Variants in FAT3 observed in about 807,000 individuals in gnomAD.
FAT3 encodes FAT atypical cadherin 3, also known as protocadherin Fat 3.
In FAT3, 95 loss-of-function variants were observed where a neutral mutation model predicts 310.2. That is an observed-to-expected ratio of 0.31 (90% CI 0.26 to 0.36). The LOEUF (loss-of-function observed/expected upper bound fraction) is 0.36, where lower values mean the gene tolerates loss of function less well. Among genes scored for constraint, FAT3 ranks in the 10% least tolerant of loss-of-function variants. The pLI is 1.00. For synonymous variants in FAT3, 2,314 were observed against 2,192.9 expected (o/e 1.06, Z -1.54); for missense variants, 5,408 against 5,715.6 (o/e 0.95, Z 1.74).
chr11:92,527,039 T>C (rs897769273), intron 3 of FAT3, among the ~76,000 whole-genome samples: 1 of 152,190 alleles, frequency 6.6e-6, no homozygotes, highest in Non-Finnish European at 1.5e-5. Context: ...CAAATACTTA[T>C]GATATAGCTA....
chr11:92,606,324 T>C lies in FAT3; in HGVS notation c.3607+81376T>C, dbSNP rs552979067. On this transcript the variant is annotated intron_variant, in intron 3 of 27. Coordinates refer to ENST00000525166, the MANE Select transcript of FAT3 (RefSeq NM_001367949.2). ...ATGAAGCCACACCATCCCTTCCAGG[T>C]TGTTGGTTTGCAAGCATCCCTCCTT... 3.9e-5 allele frequency among the ~76,000 whole-genome samples: 6 copies of C among 152,150 alleles called. No homozygotes were observed. In the East Asian group the frequency reaches 1.2e-3, roughly 30 times the overall value.
intron 2 of FAT3, among the ~76,000 whole-genome samples, chr11:92,492,291 T>TTCATCCATC (rs1417639485): frequency 1.5e-5 from 2 of 135,156 alleles, no homozygotes; most frequent in African/African-American, 5.9e-5. Context: ...ATCCATCCAT[T>TTCATCCATC]CATCCATCCA....
intron 1 of FAT3, among the ~76,000 whole-genome samples, chr11:92,238,107 T>C (rs1391844754): frequency 6.6e-6 from 1 of 152,068 alleles, no homozygotes; most frequent in Admixed American, 6.6e-5. Context: ...CTCTTGTTGA[T>C]AATAACATCA....
chr11:92,587,194 A>T (rs1348848913), intron 3 of FAT3, among the ~76,000 whole-genome samples: 5 of 151,956 alleles, frequency 3.3e-5, no homozygotes, highest in Non-Finnish European at 7.4e-5. Context: ...AATTCAGTAA[A>T]TTCTATTTAA....
chr11:92,240,730 A>G (rs1864641215), intron 1 of FAT3, among the ~76,000 whole-genome samples: 1 of 152,040 alleles, frequency 6.6e-6, no homozygotes, highest in Admixed American at 6.6e-5. Context: ...TGTTGTGAGT[A>G]GACATGCATT....
intron 3 of FAT3, among the ~76,000 whole-genome samples, chr11:92,537,745 A>T (rs642920): frequency 6.6e-6 from 1 of 152,028 alleles, no homozygotes; most frequent in African/African-American, 2.4e-5. Flanking sequence ...TTGTAATAAT[A>T]ATACGTAATT....
chr11:92,727,816 C>T (rs1396004873), intron 4 of FAT3, among the ~76,000 whole-genome samples: 1 of 152,234 alleles, frequency 6.6e-6, no homozygotes, highest in Non-Finnish European at 1.5e-5. Context: ...TACCTGCAGG[C>T]TCCAGTCTTC....
intron 2 of FAT3, among the ~76,000 whole-genome samples, chr11:92,515,651 T>A (rs963897197): frequency 6.6e-6 from 1 of 152,116 alleles, no homozygotes; most frequent in Admixed American, 6.6e-5. Context: ...TTGCTTAACC[T>A]ATATCTGTTT....
At chr11:92,499,705 G>A (rs1009565594) in intron 2 of FAT3, among the ~76,000 whole-genome samples, 7 of 116,184 alleles carry the variant, frequency 6.0e-5, no homozygotes, top group Non-Finnish European at 1.2e-4. Context: ...TTGATCTTGT[G>A]TGTGTGTATG....
intron 2 of FAT3, among the ~76,000 whole-genome samples, chr11:92,368,845 T>TATATATATATATATAC (rs1196442457): frequency 3.4e-5 from 5 of 145,856 alleles, no homozygotes; most frequent in African/African-American, 1.3e-4. Flanking sequence ...TATATATATA[T>TATATATATATATATAC]ATACACACAT....
At chr11:92,313,847 C>T (rs931996971) in intron 1 of FAT3, among the ~76,000 whole-genome samples, 3 of 152,210 alleles carry the variant, frequency 2.0e-5, no homozygotes, top group African/African-American at 7.2e-5. Context: ...CATGGGCCAC[C>T]GCACCCGGCC....
At chr11:92,637,718 A>G (rs553031690) in intron 3 of FAT3, among the ~76,000 whole-genome samples, 1 of 152,330 alleles carries the variant, frequency 6.6e-6, no homozygotes, top group Admixed American at 6.5e-5. Context: ...AGGAAATAAG[A>G]GCAAGGTAAC....
intron 4 of FAT3, among the ~76,000 whole-genome samples, chr11:92,735,563 T>C (rs886935494): frequency 1.6e-5 from 2 of 127,760 alleles, no homozygotes; most frequent in Non-Finnish European, 3.6e-5. Context: ...TGAGCATAGA[T>C]AGATAGATAG....
intron 3 of FAT3, among the ~76,000 whole-genome samples, chr11:92,609,516 T>C (rs541343543): frequency 1.3e-5 from 2 of 152,216 alleles, no homozygotes; most frequent in Non-Finnish European, 2.9e-5. Context: ...TTTGAATTTA[T>C]GAAAAACAAG....
At chr11:92,226,737 G>T (rs1763474815) in intron 1 of FAT3, among the ~76,000 whole-genome samples, 1 of 152,112 alleles carries the variant, frequency 6.6e-6, no homozygotes, top group South Asian at 2.1e-4. Flanking sequence ...GCGGAATCTG[G>T]TGGACTCCTA....
chr11:92,349,150 T>C (rs1948494212), intron 1 of FAT3, among the ~76,000 whole-genome samples: 1 of 152,164 alleles, frequency 6.6e-6, no homozygotes, highest in Non-Finnish European at 1.5e-5. Context: ...TTACAGGAAG[T>C]CTTCTCAGCA....
intron 2 of FAT3, among the ~76,000 whole-genome samples, chr11:92,410,633 C>A (rs2134916180): frequency 6.6e-6 from 1 of 151,798 alleles, no homozygotes; most frequent in Non-Finnish European, 1.5e-5. Context: ...TTGTTTTTAG[C>A]TAACAAGTAA....
At chr11:92,526,202 C>T (rs1017606709) in intron 3 of FAT3, among the ~76,000 whole-genome samples, 1 of 152,196 alleles carries the variant, frequency 6.6e-6, no homozygotes. Context: ...TTCTGCGGAA[C>T]AGGCCTCCAA....
intron 12 of FAT3, among the ~76,000 whole-genome samples, chr11:92,808,799 A>T (rs965342917): frequency 2.6e-5 from 4 of 151,966 alleles, no homozygotes; most frequent in Non-Finnish European, 4.4e-5. Context: ...GGTGGCGGGC[A>T]CCTGTAGTCC....
Sources: gnomAD v4.1 joint callset for allele counts (sites outside exome capture counted in the v4.1 genomes callset) on GRCh38, gnomAD v4.1.1 for gene constraint, MANE v1.5 for transcripts, NCBI Gene and HGNC (gene_info 2026-07-23, HGNC 2026-07-21) for gene names.